The following CDH13 variants were observed in gnomAD, a reference collection of about 807,000 sequenced individuals.
The protein encoded by CDH13 is cadherin 13, also known as cadherin-13.
In CDH13, 24 loss-of-function variants were observed where a neutral mutation model predicts 63.8. The ratio of observed to expected loss-of-function variants is 0.38; its 90% CI spans 0.27 to 0.53. CDH13 has a LOEUF of 0.53. CDH13 is among the 20% of genes least tolerant of loss of function. The pLI is 0.85. For missense variants in CDH13, 1,049 were observed against 903.1 expected (o/e 1.16, Z -2.07); for synonymous variants, 503 against 355.3 (o/e 1.42, Z -4.67).
chr16:83,715,813 C>A (rs117608748), intron 10 of CDH13, among the ~76,000 whole-genome samples: 2 of 152,006 alleles, frequency 1.3e-5, no homozygotes, highest in East Asian at 1.9e-4. Context: ...TTGACAACAG[C>A]GTGTGACAAG....
chr16:82,900,540 G>T (rs1331432268), intron 2 of CDH13, among the ~76,000 whole-genome samples: 1 of 152,168 alleles, frequency 6.6e-6, no homozygotes, highest in Non-Finnish European at 1.5e-5. Flanking sequence ...TTGAGAAAAG[G>T]ATTTCTATTT....
intron 5 of CDH13, among the ~76,000 whole-genome samples, chr16:83,312,793 C>T (rs1340421466): frequency 6.6e-6 from 1 of 152,170 alleles, no homozygotes; most frequent in Non-Finnish European, 1.5e-5. Context: ...ACCTAAATTG[C>T]AAATCTCCAT....
intron 2 of CDH13, among the ~76,000 whole-genome samples, chr16:82,952,533 A>C (rs1454767346): frequency 6.6e-6 from 1 of 152,206 alleles, no homozygotes. Flanking sequence ...TGCTTTTCAA[A>C]AAGCAGAGAA....
intron 1 of CDH13, among the ~76,000 whole-genome samples, chr16:82,794,996 G>A (rs1039068418): frequency 1.3e-5 from 2 of 152,334 alleles, no homozygotes; most frequent in African/African-American, 4.8e-5. Context: ...CTGAAGAGAA[G>A]CAGGCCCTGG....
At chr16:83,631,002 G>A (rs1430239127) in intron 8 of CDH13, among the ~76,000 whole-genome samples, 2 of 152,150 alleles carry the variant, frequency 1.3e-5, no homozygotes, top group African/African-American at 2.4e-5. Flanking sequence ...GTTCAGTAAG[G>A]GGGCCATTGT....
chr16:83,371,085 T>C (rs1407472340), intron 6 of CDH13, among the ~76,000 whole-genome samples: 1 of 152,242 alleles, frequency 6.6e-6, no homozygotes, highest in Non-Finnish European at 1.5e-5. Flanking sequence ...ACACTGCTAG[T>C]GGGAATGTAA....
intron 3 of CDH13, among the ~76,000 whole-genome samples, chr16:83,063,954 T>C (rs538742674): frequency 5.9e-5 from 9 of 152,226 alleles, no homozygotes; most frequent in East Asian, 1.9e-4. Context: ...AGAATCAAGA[T>C]TGAAGCAGGC....
intron 10 of CDH13, among the ~76,000 whole-genome samples, chr16:83,707,312 T>G (rs1304232335): frequency 6.6e-6 from 1 of 152,164 alleles, no homozygotes; most frequent in African/African-American, 2.4e-5. Flanking sequence ...CTCCTTGAAT[T>G]CCTCCATTCT....
intron 2 of CDH13, among the ~76,000 whole-genome samples, chr16:82,930,154 T>G (rs189635404): frequency 3.6e-4 from 54 of 151,694 alleles, no homozygotes; most frequent in African/African-American, 1.2e-3. Context: ...ACCTTTGTAT[T>G]TTTAAGAGAG....
chr16:83,482,179 G>A (rs1471486367), intron 6 of CDH13, among the ~76,000 whole-genome samples: 1 of 152,188 alleles, frequency 6.6e-6, no homozygotes, highest in Non-Finnish European at 1.5e-5. Context: ...GGTCAGTGTG[G>A]AATGAGGCAA....
intron 7 of CDH13, among the ~76,000 whole-genome samples, chr16:83,542,406 A>G (rs1225674450): frequency 6.6e-6 from 1 of 152,202 alleles, no homozygotes; most frequent in Non-Finnish European, 1.5e-5. Flanking sequence ...ATCACAACAC[A>G]GATTGCTGGA....
chr16:82,964,389 G>A (rs959382808), intron 2 of CDH13, among the ~76,000 whole-genome samples: 6 of 152,252 alleles, frequency 3.9e-5, no homozygotes, highest in Admixed American at 3.3e-4. Context: ...GGTGATAACA[G>A]TTGGGGATTC....
intron 2 of CDH13, among the ~76,000 whole-genome samples, chr16:82,974,043 C>G (rs9921297): frequency 0.46 from 69,429 of 151,922 alleles, 16,044 homozygotes; most frequent in Admixed American, 0.5. Flanking sequence ...CCTCAGCCTC[C>G]CAAGTAATCC....
intron 13 of CDH13, among the ~76,000 whole-genome samples, chr16:83,785,780 C>A (rs994357090): frequency 2.0e-5 from 3 of 152,150 alleles, no homozygotes; most frequent in African/African-American, 7.2e-5. Flanking sequence ...GAGCCCTACC[C>A]TATGGCTGGA....
chr16:83,074,833 C>T (rs1200046332), intron 3 of CDH13, among the ~76,000 whole-genome samples: 1 of 152,188 alleles, frequency 6.6e-6, no homozygotes, highest in Non-Finnish European at 1.5e-5. Context: ...TACCTCAGGT[C>T]TTCTGATTCC....
chr16:83,703,657 T>C (rs1567531090), intron 10 of CDH13, among the ~76,000 whole-genome samples: 2 of 152,234 alleles, frequency 1.3e-5, no homozygotes, highest in Admixed American at 1.3e-4. Context: ...CACTGTCTTG[T>C]ATTATCAAGT....
chr16:83,393,357 C>G (rs2091824618), intron 6 of CDH13, among the ~76,000 whole-genome samples: 1 of 152,166 alleles, frequency 6.6e-6, no homozygotes. Context: ...CATTTCTGAG[C>G]ATACATGCTT....
chr16:82,693,427 A>C (rs1352273048), intron 1 of CDH13, among the ~76,000 whole-genome samples: 1 of 152,222 alleles, frequency 6.6e-6, no homozygotes, highest in Non-Finnish European at 1.5e-5. Context: ...CTCTTTGCTG[A>C]AAGCAACATC....
chr16:82,647,605 C>G (rs1363434694), intron 1 of CDH13, among the ~76,000 whole-genome samples: 1 of 149,308 alleles, frequency 6.7e-6, no homozygotes, highest in Non-Finnish European at 1.5e-5. Flanking sequence ...CATGGGAGCT[C>G]CAGATTTTAT....
Sources: allele counts gnomAD v4.1 joint callset (sites outside exome capture counted in the v4.1 genomes callset), GRCh38; gene constraint gnomAD v4.1.1; transcripts MANE v1.5; gene names NCBI Gene and HGNC (gene_info 2026-07-23, HGNC 2026-07-21).